HIP1: variants seen among roughly 807,000 people sequenced by gnomAD.
HIP1 encodes the protein huntingtin interacting protein 1.
Under a neutral mutation model 147.6 loss-of-function variants are expected in HIP1, and 65 were observed. The ratio of observed to expected loss-of-function variants is 0.44; its 90% CI spans 0.36 to 0.54. HIP1 has a LOEUF of 0.54. Among genes scored for constraint, HIP1 ranks in the 20% least tolerant of loss-of-function variants. HIP1 has a pLI of 0.00. For missense variants in HIP1, 1,061 were observed against 1,299.6 expected (o/e 0.82, Z 2.82); for synonymous variants, 479 against 504.0 (o/e 0.95, Z 0.67).
In HIP1 at chr7:75,581,311, G is replaced by A. The variant is rs1554498547; in HGVS notation, c.543-13C>T. 6.2e-7 allele frequency: 1 copy of A among 1,608,280 alleles called. No homozygotes were observed. Among genetic ancestry groups the A allele is most frequent in the South Asian group, 1.1e-5 (1 of 90,224 alleles). ...TGTTAACTGGAAACTGGACCCAAGA[G>A]GAAAGAGAGCTTACACTCCACAGCC... On this transcript the variant is annotated splice_polypyrimidine_tract_variant and intron_variant, in intron 6 of 30. Coordinates refer to ENST00000336926, the MANE Select transcript of HIP1 (RefSeq NM_005338.7).
In HIP1 at chr7:75,679,320, C is replaced by T. The variant is rs369895409; in HGVS notation, c.120+59481G>A. Among the ~76,000 whole-genome samples the T allele has an allele frequency of 2.1e-3, 317 of 152,332 alleles. 1 individual carries two copies. Among genetic ancestry groups the T allele is most frequent in the African/African-American group, 5.8e-3 (240 of 41,582 alleles). ...CCTGGCTCCAGTGATCCTTCCACCT[C>T]AGCCTCCTAAGTAGCTGGGACTACA... On this transcript the variant is annotated intron_variant, in intron 1 of 30. Coordinates refer to ENST00000336926, the MANE Select transcript of HIP1 (RefSeq NM_005338.7).
intron 1 of HIP1, among the ~76,000 whole-genome samples, chr7:75,666,639 G>C (rs930834946): frequency 1.3e-5 from 2 of 152,182 alleles, no homozygotes; most frequent in Non-Finnish European, 2.9e-5. Context: ...TAGATAGAGC[G>C]GGTGTTACTG....
intron 5 of HIP1, among the ~76,000 whole-genome samples, chr7:75,582,822 G>GA (rs1325088839): frequency 1.4e-4 from 21 of 151,396 alleles, no homozygotes; most frequent in Non-Finnish European, 1.5e-4. Flanking sequence ...GCAAAAAAAA[G>GA]AAAAAAAAAT....
At chr7:75,680,218 G>A (rs576715500) in intron 1 of HIP1, among the ~76,000 whole-genome samples, 2 of 152,116 alleles carry the variant, frequency 1.3e-5, no homozygotes, top group South Asian at 4.2e-4. Context: ...AATTTTTTAC[G>A]TTTTTAGTAG....
chr7:75,653,999 T>C (rs1342323062), intron 1 of HIP1, among the ~76,000 whole-genome samples: 1 of 152,176 alleles, frequency 6.6e-6, no homozygotes, highest in African/African-American at 2.4e-5. Context: ...CCTCTGGCTT[T>C]AGCAAAGGCA....
chr7:75,638,984 G>A lies in HIP1; in HGVS notation c.121-39737C>T, dbSNP rs1202663423. 6 of 656,256 alleles carry A rather than the reference G, an allele frequency of 9.1e-6. No individual in the cohort carries two copies. In the African/African-American group the frequency reaches 9.9e-5, roughly 11 times the overall value. 40.7% of individuals were successfully genotyped at this position (656,256 alleles called of 1,614,324 possible). ...TGGATCGCGCCGGCTAGGAGGGGGA[G>A]AAGGGAGGGCGCCAGGGCTGGGGGT... On this transcript the variant is annotated intron_variant, in intron 1 of 30. Transcript: ENST00000336926.
At chr7:75,720,534 A>G (rs188916406) in intron 1 of HIP1, among the ~76,000 whole-genome samples, 285 of 152,290 alleles carry the variant, frequency 1.9e-3, no homozygotes, top group Non-Finnish European at 2.7e-3. Flanking sequence ...CCCCACTTCT[A>G]AAAGAAGTTA....
intron 1 of HIP1, among the ~76,000 whole-genome samples, chr7:75,600,346 A>G (rs903136529): frequency 6.6e-6 from 1 of 152,094 alleles, no homozygotes; most frequent in Non-Finnish European, 1.5e-5. Flanking sequence ...TCTGACCTCA[A>G]ATGATCCTCC....
intron 1 of HIP1, among the ~76,000 whole-genome samples, chr7:75,637,989 CCCCCACACACACACATACACACACACACA>C (rs1798493542): frequency 7.8e-5 from 4 of 51,328 alleles, no homozygotes; most frequent in African/African-American, 3.2e-4. Context: ...CCCCCCCCCC[CCCCCACACACACACATACACACACACACA>C]CACACACACA....
chr7:75,571,543 A>G (rs181362117), intron 8 of HIP1, among the ~76,000 whole-genome samples: 1 of 152,234 alleles, frequency 6.6e-6, no homozygotes, highest in East Asian at 1.9e-4. Context: ...CTTGTCAATA[A>G]CCGCAGTTAC....
At chr7:75,724,039 C>A (rs1801581155) in intron 1 of HIP1, among the ~76,000 whole-genome samples, 1 of 152,114 alleles carries the variant, frequency 6.6e-6, no homozygotes, top group African/African-American at 2.4e-5. Context: ...TCACTGCAAC[C>A]TCCGCCCCCG....
In HIP1 at chr7:75,555,533, C is replaced by T; in HGVS notation, c.1846G>A (p.Ala616Thr). 1 of 1,614,208 alleles carries T rather than the reference C, an allele frequency of 6.2e-7. No homozygotes were observed. Reference sequence around the variant, plus strand: ...AGAAGCATTTTTCGTTGGTCTTTGGCAAGCTGGCACATAGATTCCTAAAAA... The same window carrying T: ...AGAAGCATTTTTCGTTGGTCTTTGGTAAGCTGGCACATAGATTCCTAAAAA... Reference protein sequence around the residue: ...ASTEESMCQLAKDQRKMLLVG... With the variant: ...ASTEESMCQLTKDQRKMLLVG... The change falls in exon 19 of 31, where the codon GCC becomes ACC. Residue 616 changes from alanine (A) to threonine (T), a missense_variant. By Grantham distance (58) the Ala-to-Thr change is moderately conservative. This residue lies in a region of HIP1 where 810 missense variants were observed against 946.8 expected (regional missense o/e 0.86). Coordinates refer to ENST00000336926, the MANE Select transcript of HIP1 (RefSeq NM_005338.7).
chr7:75,572,759 C>T (rs1795692283), intron 8 of HIP1, among the ~76,000 whole-genome samples: 1 of 152,228 alleles, frequency 6.6e-6, no homozygotes, highest in Non-Finnish European at 1.5e-5. Flanking sequence ...TTCCCAGGTG[C>T]AGCTGCAGCC....
chr7:75,615,233 G>A (rs1193535974), intron 1 of HIP1, among the ~76,000 whole-genome samples: 5 of 152,100 alleles, frequency 3.3e-5, no homozygotes, highest in Admixed American at 2.0e-4. Context: ...CACACCAGGG[G>A]CTGTGAGAGA....
intron 1 of HIP1, among the ~76,000 whole-genome samples, chr7:75,699,715 G>A (rs1554519046): frequency 6.6e-6 from 1 of 152,164 alleles, no homozygotes; most frequent in Non-Finnish European, 1.5e-5. Context: ...TCAAGCCCCT[G>A]ATCCGGGTCC....
At position 75,669,247 on chromosome 7, in the gene HIP1, C is replaced by T. The variant is rs1289023745; in HGVS notation, c.120+69554G>A. ...AATTAGGCTGGCATGGCGGCGGGCGCCTGTAGTCCCAGCTACTCGGGAGGC... is the reference window on the plus strand; with the variant it reads ...AATTAGGCTGGCATGGCGGCGGGCGTCTGTAGTCCCAGCTACTCGGGAGGC... On this transcript the variant is annotated intron_variant, in intron 1 of 30. Coordinates refer to ENST00000336926, the MANE Select transcript of HIP1 (RefSeq NM_005338.7). 2.0e-5 allele frequency among the ~76,000 whole-genome samples: 3 copies of T among 152,016 alleles called. No homozygotes were observed. The East Asian group carries it at 5.8e-4, about 29-fold the overall frequency.
Position 75,563,078 on chromosome 7 carries a change from G to C in HIP1, c.880-3C>G. On this transcript the variant is annotated splice_polypyrimidine_tract_variant and splice_region_variant and intron_variant, in intron 10 of 30. Transcript: ENST00000336926. ...GCTCGCAGGAAGTTGGGTGGGTTCTGAAGACGGAGACACATCCTCAAATAG... is the reference window on the plus strand; with the variant it reads ...GCTCGCAGGAAGTTGGGTGGGTTCTCAAGACGGAGACACATCCTCAAATAG... The C allele has an allele frequency of 6.2e-7, 1 of 1,614,166 alleles. No homozygotes were observed. Among genetic ancestry groups the C allele is most frequent in the Non-Finnish European group, 8.5e-7 (1 of 1,180,018 alleles).
At chr7:75,555,164 G>C (rs868965110) in intron 19 of HIP1, among the ~76,000 whole-genome samples, 2 of 118,312 alleles carry the variant, frequency 1.7e-5, no homozygotes, top group Admixed American at 1.1e-4. Flanking sequence ...CTGAGCAACA[G>C]AGTAAGACCC....
intron 1 of HIP1, among the ~76,000 whole-genome samples, chr7:75,644,830 G>A (rs77792824): frequency 0.022 from 3,349 of 152,230 alleles, 237 homozygotes; most frequent in Admixed American, 0.14. Flanking sequence ...CCAGGGTGAG[G>A]GAGATCCCAG....
Sources: allele counts gnomAD v4.1 joint callset (sites outside exome capture counted in the v4.1 genomes callset), GRCh38; gene constraint gnomAD v4.1.1; regional missense constraint gnomAD v4.1.1; transcripts MANE v1.5; gene names NCBI Gene and HGNC (gene_info 2026-07-23, HGNC 2026-07-21).